Variants in NECTIN1 observed in about 807,000 individuals in gnomAD.
NECTIN1 encodes the protein nectin cell adhesion molecule 1, also known as nectin-1.
Under a neutral mutation model 48.0 loss-of-function variants are expected in NECTIN1, and 23 were observed. The ratio of observed to expected loss-of-function variants is 0.48; its 90% CI spans 0.34 to 0.68. NECTIN1 has a LOEUF of 0.68. NECTIN1 is among the 30% of genes least tolerant of loss of function. The pLI is 0.01. For missense variants in NECTIN1, 591 were observed against 709.9 expected, an observed-to-expected ratio of 0.83 and a Z score of 1.90; for synonymous variants, 270 against 288.9, an observed-to-expected ratio of 0.93 and a Z score of 0.66.
intron 6 of NECTIN1, chr11:119,639,778 A>G (rs1181907573): frequency 2.3e-5 from 37 of 1,581,008 alleles, no homozygotes; most frequent in South Asian, 5.6e-5. Flanking sequence ...GAGCTTTCAC[A>G]AGTTTAGGTG....
rs61262891 is a variant in NECTIN1 at position 119,648,316 on chromosome 11, A to C, written c.1004-8304T>G. On this transcript the variant is annotated intron_variant, in intron 5 of 7. Coordinates refer to the NECTIN1 transcript ENST00000341398. Reference sequence around the variant, plus strand: ...GGTGGTGGTGGTGGTGATGGTGGTGATGGTGATGGTGGTGATGGTGGTGGT... The same window carrying C: ...GGTGGTGGTGGTGGTGATGGTGGTGCTGGTGATGGTGGTGATGGTGGTGGT... Among the ~76,000 whole-genome samples, 31 of 8,970 alleles carry C rather than the reference A, an allele frequency of 3.5e-3. 2 individuals are homozygous for C. In the East Asian group the frequency reaches 0.037, roughly 11 times the overall value. 5.9% of individuals were successfully genotyped at this position (8,970 alleles called of 152,430 possible). A position where few individuals can be genotyped will look rare whatever the true frequency, so the allele number is the denominator to read the frequency against.
At chr11:119,659,779 T>C (rs1864630701), downstream of NECTIN1, among the ~76,000 whole-genome samples, 1 of 152,224 alleles carries the variant, frequency 6.6e-6, no homozygotes, top group Non-Finnish European at 1.5e-5. Flanking sequence ...GCCGGAACGC[T>C]CTAGTTAAAT....
chr11:119,669,584 G>C (rs1839532958), intron 5 of NECTIN1, among the ~76,000 whole-genome samples: 1 of 151,974 alleles, frequency 6.6e-6, no homozygotes, highest in South Asian at 2.1e-4. Flanking sequence ...ACAGCAGCCA[G>C]ACAAATCCTG....
At position 119,677,084 on chromosome 11, in the gene NECTIN1, C is replaced by T; in HGVS notation, c.851+18G>A. 1.9e-6 allele frequency: 3 copies of T among 1,606,620 alleles called. No individual in the cohort carries two copies. Among genetic ancestry groups the T allele is most frequent in the Non-Finnish European group, 2.6e-6 (3 of 1,173,220 alleles). ...TCAGCTGTCTTCCAAGGTGACTGGT[C>T]AGCCCTGCAGCACTTACGTGGTCCA... is the stretch of plus-strand genomic sequence containing the variant. On this transcript the variant is annotated intron_variant, in intron 4 of 5. Transcript: ENST00000264025. The surrounding 1 kb of genome is among the most constrained non-coding windows in gnomAD (Gnocchi z 5.4).
rs1565388395 is a variant in NECTIN1 at position 119,678,398 on chromosome 11, G to T, written c.430+17C>A. 6.2e-7 allele frequency: 1 copy of T among 1,609,556 alleles called. No individual in the cohort carries two copies. The highest frequency in any genetic ancestry group is 8.5e-7 in the Non-Finnish European group (1 of 1,175,988). On this transcript the variant is annotated intron_variant, in intron 2 of 5. Transcript: ENST00000264025. This position sits in a 1 kb window ranked among gnomAD's most constrained non-coding sequence, Gnocchi z 4.4. ...CAGGCCTCTGGATGAACAGGGAGGG[G>T]GCCCAGGGCAGCTTACCCATCACCG...
chr11:119,654,949 G>A (rs755529028), intron 5 of NECTIN1, among the ~76,000 whole-genome samples: 1 of 151,844 alleles, frequency 6.6e-6, no homozygotes, highest in Non-Finnish European at 1.5e-5. Flanking sequence ...TACTCTTGTT[G>A]CCAAGGCTGG....
At chr11:119,674,371 T>C in intron 5 of NECTIN1, 1 of 1,461,794 alleles carries the variant, frequency 6.8e-7, no homozygotes, top group Non-Finnish European at 9.0e-7. Flanking sequence ...ATAATAATGA[T>C]GATGATGGAG....
intron 1 of NECTIN1, among the ~76,000 whole-genome samples, chr11:119,716,652 G>A (rs573016462): frequency 6.6e-6 from 1 of 152,304 alleles, no homozygotes; most frequent in South Asian, 2.1e-4. Context: ...ACTGACCTTC[G>A]CCGGTTCTCT....
chr11:119,684,304 ACT>A lies in NECTIN1; in HGVS notation c.80-5541_80-5540del, dbSNP rs1865116502. Among the ~76,000 whole-genome samples, 1 of 151,978 alleles carries A rather than the reference ACT, an allele frequency of 6.6e-6. No individual in the cohort carries two copies. Among genetic ancestry groups the A allele is most frequent in the South Asian group, 2.1e-4 (1 of 4,820 alleles). ...CCACCCCAGCCCCTCCTTTCCTGAGACTCTGCCTGGGGGCCTTGAAGTGGCTG... is the reference window on the plus strand; with the variant it reads ...CCACCCCAGCCCCTCCTTTCCTGAGACTGCCTGGGGGCCTTGAAGTGGCTG... On this transcript the variant is annotated intron_variant, in intron 1 of 5. Coordinates refer to ENST00000264025, the MANE Select transcript of NECTIN1 (RefSeq NM_002855.5). This position sits in a 1 kb window ranked among gnomAD's most constrained non-coding sequence, Gnocchi z 5.2.
At position 119,676,469 on chromosome 11, in the gene NECTIN1, G is replaced by C. The variant is rs533322322; in HGVS notation, c.851+633C>G. ...GGCCACCCATATCAACCTTCTCCTT[G>C]GTTCCCCACGTCCCTGTCTTTCTGT... On this transcript the variant is annotated intron_variant, in intron 4 of 5. Transcript: ENST00000264025. Among the ~76,000 whole-genome samples, 3 of 152,324 alleles carry C rather than the reference G, an allele frequency of 2.0e-5. No homozygotes were observed. The South Asian group carries it at 6.2e-4, about 32-fold the overall frequency.
chr11:119,660,955 C>T, downstream of NECTIN1: 1 of 943,078 alleles, frequency 1.1e-6, no homozygotes, highest in Non-Finnish European at 1.3e-6. Context: ...CCCGCCCCCA[C>T]TGCCATGGAG....
chr11:119,676,751 A>G (rs1225375063), intron 4 of NECTIN1: 1 of 363,124 alleles, frequency 2.8e-6, no homozygotes, highest in African/African-American at 2.1e-5. Flanking sequence ...TTCCCTGGGG[A>G]CACCTTGATA....
intron 1 of NECTIN1, among the ~76,000 whole-genome samples, chr11:119,726,460 TAC>T (rs1865908453): frequency 6.6e-6 from 1 of 152,158 alleles, no homozygotes; most frequent in Non-Finnish European, 1.5e-5. Flanking sequence ...ATCAGTCAAT[TAC>T]AGTCAATGGA....
At position 119,678,287 on chromosome 11, in the gene NECTIN1, A is replaced by T; in HGVS notation, c.430+128T>A. 1 of 901,760 alleles carries T rather than the reference A, an allele frequency of 1.1e-6. No individual in the cohort carries two copies. The highest frequency in any genetic ancestry group is 1.8e-6 in the Non-Finnish European group (1 of 547,998). 55.9% of individuals were successfully genotyped at this position (901,760 alleles called of 1,614,324 possible). On this transcript the variant is annotated intron_variant, in intron 2 of 5. Transcript: ENST00000264025. This position sits in a 1 kb window ranked among gnomAD's most constrained non-coding sequence, Gnocchi z 4.4. ...CTGGCTAGAAGGGACTGGAAGCCTC[A>T]TGCCTAGAATGATGGCAGCATGCCC...
At position 119,664,917 on chromosome 11, in the gene NECTIN1, C is replaced by A; in HGVS notation, c.1384G>T (p.Glu462Ter). 6.2e-7 allele frequency: 1 copy of A among 1,613,896 alleles called. No homozygotes were observed. Among genetic ancestry groups the A allele is most frequent in the Non-Finnish European group, 8.5e-7 (1 of 1,179,918 alleles). Reference sequence around the variant, plus strand: ...GTGAAGTAGGGCCGCTTGGCGTCCTCGTCATATTTGGGGTGGGGGCCGCCC... The same window carrying A: ...GTGAAGTAGGGCCGCTTGGCGTCCTAGTCATATTTGGGGTGGGGGCCGCCC... The part of the protein sequence containing the change: ...KVGGPHPKYD[E>*]DAKRPYFTVD... The change falls in exon 6 of 6, where the codon GAG becomes TAG. Residue 462 changes from glutamate (E) to a stop codon, truncating the protein, a stop_gained. Transcript: ENST00000264025. LOFTEE classifies it high-confidence loss of function.
rs547634737 is a variant in NECTIN1, at chr11:119,683,184, C to T, written c.80-4419G>A. 3.9e-5 allele frequency among the ~76,000 whole-genome samples: 6 copies of T among 152,162 alleles called. No individual in the cohort carries two copies. The highest frequency in any genetic ancestry group is 1.2e-4 in the African/African-American group (5 of 41,434). On this transcript the variant is annotated intron_variant, in intron 1 of 5. Coordinates refer to ENST00000264025, the MANE Select transcript of NECTIN1 (RefSeq NM_002855.5). This position sits in a 1 kb window ranked among gnomAD's most constrained non-coding sequence, Gnocchi z 4.0. ...ACAGAACACATCCTGTCTCCTTTCC[C>T]GCAGGTTCCCTCTTACATGAGAAGC...
chr11:119,686,236 T>C (rs915725082), intron 1 of NECTIN1, among the ~76,000 whole-genome samples: 4 of 152,190 alleles, frequency 2.6e-5, no homozygotes, highest in African/African-American at 7.2e-5. Flanking sequence ...CTCTCACTAG[T>C]GCACACCTCC....
chr11:119,724,731 A>G (rs1865884400), intron 1 of NECTIN1, among the ~76,000 whole-genome samples: 2 of 152,204 alleles, frequency 1.3e-5, no homozygotes, highest in African/African-American at 2.4e-5. Context: ...CCTAGTCCCC[A>G]TAGATGCACA....
exon 7 of NECTIN1, chr11:119,638,744 G>T (rs747412536): frequency 6.2e-7 from 1 of 1,613,890 alleles, no homozygotes; most frequent in South Asian, 1.1e-5. Context: ...GATATCCTCA[G>T]GCACAAGGGA....
Sources: gnomAD v4.1 joint callset for allele counts (sites outside exome capture counted in the v4.1 genomes callset) on GRCh38, gnomAD v4.1.1 for gene constraint, Gnocchi (gnomAD v3.1) non-coding constraint, MANE v1.5 for transcripts, NCBI Gene and HGNC (gene_info 2026-07-23, HGNC 2026-07-21) for gene names.